RDH5: variants seen among roughly 807,000 people sequenced by gnomAD.
RDH5 encodes the protein 11-cis RDH.
A neutral mutation model predicts 24.0 loss-of-function variants in RDH5; 25 were observed. That is an observed-to-expected ratio of 1.04 (90% CI 0.76 to 1.46). RDH5 has a LOEUF of 1.46. Among genes scored for constraint, RDH5 ranks in the 40% most tolerant of loss-of-function variants. The pLI, the probability that RDH5 is intolerant of heterozygous loss-of-function variation, is 0.00. For missense variants in RDH5, 369 were observed against 410.3 expected (o/e 0.90, Z 0.87); for synonymous variants, 170 against 175.2 (o/e 0.97, Z 0.23).
At chr12:55,720,978 A>G (rs1876884496) in intron 1 of RDH5, among the ~76,000 whole-genome samples, 175 bp from the exon 2 acceptor site, 1 of 152,146 alleles carries the variant, frequency 6.6e-6, no homozygotes, top group Non-Finnish European at 1.5e-5. Context: ...GTTAGCCACA[A>G]ATACAGGGTC....
intron 3 of RDH5, 48 bp from the exon 4 acceptor site, chr12:55,723,838 C>T: frequency 6.2e-7 from 1 of 1,606,676 alleles, no homozygotes; most frequent in African/African-American, 1.3e-5. Flanking sequence ...TCAAAGTCCC[C>T]TCCCTATAGG....
intron 3 of RDH5, chr12:55,723,163 G>C (rs949044213): frequency 1.3e-5 from 2 of 152,362 alleles, no homozygotes; most frequent in Non-Finnish European, 1.5e-5. Flanking sequence ...TTTTTTTACA[G>C]ATGGGGTCTT....
rs3138142 is a variant in RDH5 at position 55,721,801 on chromosome 12, C to T, written c.423C>T (p.Ile141=). 349,972 of 1,613,824 alleles carry T rather than the reference C, an allele frequency of 0.22. 41,059 individuals carry two copies. The highest frequency in any genetic ancestry group is 0.33 in the South Asian group (30,001 of 91,070). Residue 141 remains isoleucine, a synonymous_variant, in exon 3 of 5, where the codon ATC becomes ATT. Coordinates refer to ENST00000257895, the MANE Select transcript of RDH5 (RefSeq NM_002905.5). This position sits in a 1 kb window ranked among gnomAD's most constrained non-coding sequence, Gnocchi z 4.7. ...RVLNVNTMGP[I]GVTLALLPLL... is the part of the protein sequence containing the mutation. The stretch of plus-strand genomic sequence containing the variant: ...TGAATGTGAACACAATGGGTCCCAT[C>T]GGGGTCACCCTTGCCCTGCTGCCTC...
chr12:55,723,907 G>C lies in RDH5; in HGVS notation c.591G>C (p.Gly197=). The part of the protein sequence containing the change: ...DSLRRDVAHF[G]IRVSIVEPGF... The stretch of plus-strand genomic sequence containing the variant: ...CTAGGCGGGATGTAGCTCATTTTGG[G>C]ATACGAGTCTCCATCGTGGAGCCTG... Residue 197 remains glycine, a synonymous_variant, in exon 4 of 5, where the codon GGG becomes GGC. Coordinates refer to ENST00000257895, the MANE Select transcript of RDH5 (RefSeq NM_002905.5). The C allele has an allele frequency of 6.2e-7, 1 of 1,614,034 alleles. No individual in the cohort carries two copies. The highest frequency in any genetic ancestry group is 8.5e-7 in the Non-Finnish European group (1 of 1,180,038).
At position 55,721,689 on chromosome 12, in the gene RDH5, G is replaced by C; in HGVS notation, c.311G>C (p.Gly104Ala). The part of the protein sequence containing the change: ...KWVEMHVKEA[G>A]LFGLVNNAGV... ...CAGCATCCTTTTCATCTCCCCACAG[G>C]GCTTTTTGGTCTGGTGAATAATGCT... The change falls in exon 3 of 5, where the codon GGG (glycine) becomes GCG (alanine). Residue 104 changes from glycine (G) to alanine (A), a missense_variant and splice_region_variant. Physicochemically the swap from Gly to Ala is moderately conservative, Grantham distance 60. Coordinates refer to ENST00000257895, the MANE Select transcript of RDH5 (RefSeq NM_002905.5). The surrounding 1 kb of genome is among the most constrained non-coding windows in gnomAD (Gnocchi z 4.7). The C allele has an allele frequency of 6.2e-7, 1 of 1,610,488 alleles. No homozygotes were observed. The highest frequency in any genetic ancestry group is 8.5e-7 in the Non-Finnish European group (1 of 1,180,010).
chr12:55,724,664 T>TA lies in RDH5; in HGVS notation c.*125dup. On this transcript the variant is annotated 3_prime_UTR_variant, in exon 5 of 5. Transcript: ENST00000257895. ...TAAGCACTAACAAAAGTGTATTGTT[T>TA]AAAAAATAAAAAGAAGGTGGGCAGA... The TA allele has an allele frequency of 2.0e-6, 2 of 979,122 alleles. No individual in the cohort carries two copies. The highest frequency in any genetic ancestry group is 1.6e-5 in the African/African-American group (1 of 62,084). 60.7% of individuals were successfully genotyped at this position (979,122 alleles called of 1,614,324 possible).
At position 55,721,344 on chromosome 12, in the gene RDH5, C is replaced by T. The variant is rs769035379; in HGVS notation, c.160C>T (p.Arg54Ter). The T allele has an allele frequency of 1.5e-5, 24 of 1,613,824 alleles. No homozygotes were observed. The Admixed American group carries it at 2.0e-4, about 13-fold the overall frequency. The change falls in exon 2 of 5, where the codon CGA (arginine) becomes TGA (stop). Residue 54 changes from arginine to a stop codon, truncating the protein, a stop_gained. Transcript: ENST00000257895. LOFTEE classifies it high-confidence loss of function. This position sits in a 1 kb window ranked among gnomAD's most constrained non-coding sequence, Gnocchi z 4.7. ...ACTGCAGCTGGACCAGAGAGGCTTCCGAGTCCTGGCCAGCTGCCTGACCCC... is the reference window on the plus strand; with the variant it reads ...ACTGCAGCTGGACCAGAGAGGCTTCTGAGTCCTGGCCAGCTGCCTGACCCC... ...LALQLDQRGF[R>*]VLASCLTPSG...
Position 55,721,733 on chromosome 12 carries a change from G to C in RDH5, c.355G>C (p.Gly119Arg). 5 of 1,613,324 alleles carry C rather than the reference G, an allele frequency of 3.1e-6. No homozygotes were observed. Among genetic ancestry groups the C allele is most frequent in the Non-Finnish European group, 4.2e-6 (5 of 1,180,026 alleles). The change falls in exon 3 of 5, where the codon GGA becomes CGA. Residue 119 changes from glycine to arginine, a missense_variant. Physicochemically the swap from Gly to Arg is moderately radical, Grantham distance 125 (BLOSUM62 -2). Transcript: ENST00000257895. This position sits in a 1 kb window ranked among gnomAD's most constrained non-coding sequence, Gnocchi z 4.7. ...TAATGCTGGTGTGGCTGGTATCATC[G>C]GACCCACACCATGGCTGACCCGGGA... ...VNNAGVAGII[G>R]PTPWLTRDDF...
At chr12:55,723,720 T>C (rs2136141705) in intron 3 of RDH5, 166 bp from the exon 4 acceptor site, 1 of 735,068 alleles carries the variant, frequency 1.4e-6, no homozygotes, top group Non-Finnish European at 2.3e-6. Context: ...TCAAAAATAC[T>C]TTCCTCCCTC....
chr12:55,724,363 C>T lies in RDH5; in HGVS notation c.775C>T (p.Pro259Ser), dbSNP rs779402316. ...QQRIMNLICD[P>S]DLTKVSRCLE... Reference sequence around the variant, plus strand: ...GCGCATCATGAACCTGATCTGTGACCCGGACCTAACCAAGGTGAGCCGATG... The same window carrying T: ...GCGCATCATGAACCTGATCTGTGACTCGGACCTAACCAAGGTGAGCCGATG... Residue 259 changes from proline to serine, a missense_variant, in exon 5 of 5, where the codon CCG becomes TCG. Transcript: ENST00000257895. The T allele has an allele frequency of 6.2e-7, 1 of 1,614,194 alleles. No homozygotes were observed. The highest frequency in any genetic ancestry group is 8.5e-7 in the Non-Finnish European group (1 of 1,180,038).
Position 55,721,893 on chromosome 12 carries a change from G to A in RDH5, c.515G>A (p.Gly172Asp), listed in dbSNP as rs1465923151. 1.2e-6 allele frequency: 2 copies of A among 1,613,792 alleles called. No individual in the cohort carries two copies. The highest frequency in any genetic ancestry group is 8.5e-7 in the Non-Finnish European group (1 of 1,179,886). ...TSVLGRLAAN[G>D]GGYCVSKFGL... Reference sequence around the variant, plus strand: ...GTCCTGGGTCGCCTGGCAGCCAATGGTGGGGGCTACTGTGTCTCCAAATTT... The same window carrying A: ...GTCCTGGGTCGCCTGGCAGCCAATGATGGGGGCTACTGTGTCTCCAAATTT... Residue 172 changes from glycine (G) to aspartate (D), a missense_variant, in exon 3 of 5, where the codon GGT becomes GAT. By Grantham distance (94) the Gly-to-Asp change is moderately conservative (BLOSUM62 -1). Coordinates refer to ENST00000257895, the MANE Select transcript of RDH5 (RefSeq NM_002905.5). This position sits in a 1 kb window ranked among gnomAD's most constrained non-coding sequence, Gnocchi z 4.7.
At position 55,724,315 on chromosome 12, in the gene RDH5, G is replaced by T. The variant is rs766159716; in HGVS notation, c.734-7G>T. ...GAAACTGATTGCAACCACCTATGGG[G>T]CTGCAGACCTGAAAATGCAACAGCG... is the stretch of plus-strand genomic sequence containing the variant. On this transcript the variant is annotated splice_polypyrimidine_tract_variant and splice_region_variant and intron_variant, in intron 4 of 4. Transcript: ENST00000257895. The T allele has an allele frequency of 1.2e-6, 2 of 1,614,134 alleles. No individual in the cohort carries two copies. The highest frequency in any genetic ancestry group is 1.7e-5 in the Admixed American group (1 of 60,026).
At chr12:55,722,047 A>C (rs1466539176) in intron 3 of RDH5, 100 bp downstream of exon 3, 5 of 1,267,558 alleles carry the variant, frequency 3.9e-6, no homozygotes, top group Non-Finnish European at 4.4e-6. Context: ...GGAATAGTTA[A>C]GAAGAGACAG....
In RDH5 at chr12:55,723,937, C is replaced by T. The variant is rs1877061125; in HGVS notation, c.621C>T (p.Phe207=). The part of the protein sequence containing the change: ...GIRVSIVEPG[F]FRTPVTNLES... ...GAGTCTCCATCGTGGAGCCTGGCTT[C>T]TTCCGAACCCCTGTGACCAACCTGG... Residue 207 remains phenylalanine, a synonymous_variant, in exon 4 of 5, where the codon TTC becomes TTT. Transcript: ENST00000257895. 1 of 1,614,180 alleles carries T rather than the reference C, an allele frequency of 6.2e-7. No homozygotes were observed. The highest frequency in any genetic ancestry group is 1.3e-5 in the African/African-American group (1 of 75,072).
intron 4 of RDH5, 62 bp downstream of exon 4, chr12:55,724,111 T>C: frequency 6.4e-7 from 1 of 1,565,886 alleles, no homozygotes; most frequent in Admixed American, 1.8e-5. Context: ...AGGCCAGTCC[T>C]GCATAAGCCT....
intron 3 of RDH5, chr12:55,722,477 A>G (rs1054850671): frequency 6.5e-6 from 1 of 153,928 alleles, no homozygotes; most frequent in African/African-American, 2.4e-5. Flanking sequence ...AATAAGGTTC[A>G]AAGTTCCGTG....
chr12:55,721,822 G>C lies in RDH5; in HGVS notation c.444G>C (p.Leu148=), dbSNP rs1441919941. The part of the protein sequence containing the change: ...MGPIGVTLAL[L]PLLQQARGRV... ...CCATCGGGGTCACCCTTGCCCTGCT[G>C]CCTCTGCTGCAGCAAGCCCGGGGCC... The change falls in exon 3 of 5, where the codon CTG becomes CTC. Residue 148 remains leucine (L), a synonymous_variant. Coordinates refer to ENST00000257895, the MANE Select transcript of RDH5 (RefSeq NM_002905.5). This position sits in a 1 kb window ranked among gnomAD's most constrained non-coding sequence, Gnocchi z 4.7. The C allele has an allele frequency of 7.4e-6, 12 of 1,614,024 alleles. No individual in the cohort carries two copies. The highest frequency in any genetic ancestry group is 3.3e-5 in the Admixed American group (2 of 60,024).
intron 1 of RDH5, chr12:55,720,883 CAAA>C (rs4016511): frequency 0.035 from 3,506 of 99,556 alleles, 25 homozygotes; most frequent in African/African-American, 0.08. Flanking sequence ...GACTCCATCT[CAAA>C]AAAAAAAAAA....
At chr12:55,723,755 G>C in intron 3 of RDH5, 131 bp from the exon 4 acceptor site, 1 of 1,018,700 alleles carries the variant, frequency 9.8e-7, no homozygotes. Flanking sequence ...CTTGTCCCGG[G>C]GCAGTAGGCA....
Sources: gnomAD v4.1 joint callset for allele counts (sites outside exome capture counted in the v4.1 genomes callset) on GRCh38, gnomAD v4.1.1 for gene constraint, Gnocchi (gnomAD v3.1) non-coding constraint, MANE v1.5 for transcripts, NCBI Gene and HGNC (gene_info 2026-07-23, HGNC 2026-07-21) for gene names.